The following MAP6 variants were observed in gnomAD, a reference collection of about 807,000 sequenced individuals.
The protein encoded by MAP6 is microtubule associated protein 6.
Under a neutral mutation model 42.4 loss-of-function variants are expected in MAP6, and 26 were observed. The observed-to-expected ratio is 0.61, with a 90% CI of 0.45 to 0.85. MAP6 has a LOEUF of 0.85. Among genes scored for constraint, MAP6 ranks in the 40% least tolerant of loss-of-function variants. MAP6 has a pLI of 0.00. For synonymous variants in MAP6, 418 were observed against 443.8 expected (o/e 0.94, Z 0.73); for missense variants, 966 against 1,099.0 (o/e 0.88, Z 1.71).
chr11:75,667,641 C>T lies in MAP6; in HGVS notation c.729G>A (p.Gly243=), dbSNP rs1330783501. 1 of 1,262,726 alleles carries T rather than the reference C, an allele frequency of 7.9e-7. No homozygotes were observed. The highest frequency in any genetic ancestry group is 1.6e-5 in the African/African-American group (1 of 64,070). 78.2% of individuals were successfully genotyped at this position (1,262,726 alleles called of 1,614,324 possible). A position where few individuals can be genotyped will look rare whatever the true frequency, so the allele number is the denominator to read the frequency against. Residue 243 remains glycine (G), a synonymous_variant, in exon 1 of 4, where the codon GGG becomes GGA. Transcript: ENST00000304771. The surrounding 1 kb of genome is among the most constrained non-coding windows in gnomAD (Gnocchi z 5.6). ...CGGCGCGGCGCACAATCCAGGCAGG[C>T]CCGGCCTTCCTGCGCGTGTCGCGCT... ...ADERDTRRKA[G]PAWIVRRAEG... is the part of the protein sequence containing the mutation.
Position 75,588,197 on chromosome 11 carries a change from G to A in MAP6, c.1317-13C>T, listed in dbSNP as rs1212470375. 6.2e-7 allele frequency: 1 copy of A among 1,605,406 alleles called. No individual in the cohort carries two copies. Among genetic ancestry groups the A allele is most frequent in the South Asian group, 1.1e-5 (1 of 90,212 alleles). On this transcript the variant is annotated splice_polypyrimidine_tract_variant and intron_variant, in intron 3 of 3. Transcript: ENST00000304771. ...TTGAGCCAGGCTCCTGCAAAGGAGA[G>A]AGAGGTGATCACTGTGAGAGTAGAG...
chr11:75,662,354 G>A (rs1943867343), intron 1 of MAP6, among the ~76,000 whole-genome samples: 1 of 152,140 alleles, frequency 6.6e-6, no homozygotes, highest in South Asian at 2.1e-4. Flanking sequence ...GTATATATAT[G>A]AGTATATATG....
chr11:75,625,997 C>G (rs986869802), intron 1 of MAP6, among the ~76,000 whole-genome samples: 29 of 152,294 alleles, frequency 1.9e-4, no homozygotes, highest in Non-Finnish European at 2.6e-4. Flanking sequence ...TTATATTGCT[C>G]TCTTTCTAGA....
At chr11:75,598,852 G>A (rs540033723) in intron 3 of MAP6, 1 of 152,486 alleles carries the variant, frequency 6.6e-6, no homozygotes, top group African/African-American at 2.4e-5. Context: ...CATGTGGCAA[G>A]TTCCATCATG....
intron 1 of MAP6, 65 bp from the exon 2 acceptor site, chr11:75,608,387 C>A (rs763988360): frequency 2.1e-5 from 28 of 1,333,584 alleles, no homozygotes; most frequent in Admixed American, 1.0e-4. Flanking sequence ...GCTCCTGACA[C>A]AGGGCTGCAA....
chr11:75,604,203 A>T, intron 3 of MAP6: 14 of 985,908 alleles, frequency 1.4e-5, no homozygotes, highest in Non-Finnish European at 1.7e-5. Flanking sequence ...TCTGTTAATA[A>T]TTATGGCTCA....
intron 1 of MAP6, among the ~76,000 whole-genome samples, chr11:75,637,898 G>C: frequency 6.7e-6 from 1 of 149,226 alleles, no homozygotes; most frequent in South Asian, 2.2e-4. Context: ...GAGGGAGGGA[G>C]GGAGGGAAGG....
chr11:75,613,918 C>A (rs1942951216), intron 1 of MAP6, among the ~76,000 whole-genome samples: 1 of 152,178 alleles, frequency 6.6e-6, no homozygotes, highest in Admixed American at 6.5e-5. Flanking sequence ...GGCTGCTCCT[C>A]CAGAACCTTT....
At chr11:75,634,583 T>G (rs756684815) in intron 1 of MAP6, among the ~76,000 whole-genome samples, 17 of 152,226 alleles carry the variant, frequency 1.1e-4, no homozygotes, top group Non-Finnish European at 2.4e-4. Context: ...CTAATCTTTA[T>G]GATACAAATT....
intron 1 of MAP6, among the ~76,000 whole-genome samples, chr11:75,612,720 C>T (rs184251609): frequency 4.6e-5 from 7 of 152,240 alleles, no homozygotes; most frequent in East Asian, 3.9e-4. Context: ...AGTTTCTGAG[C>T]GAAGCAGCAC....
At chr11:75,658,309 G>A (rs895322269) in intron 1 of MAP6, among the ~76,000 whole-genome samples, 2 of 151,898 alleles carry the variant, frequency 1.3e-5, no homozygotes, top group Non-Finnish European at 2.9e-5. Flanking sequence ...ATTCTGTACC[G>A]AACATCTCCA....
In MAP6 at chr11:75,668,047, A is replaced by AGGCCCGGGCCC; in HGVS notation, c.312_322dup (p.Leu108ArgfsTer17). 8.1e-7 allele frequency: 1 copy of AGGCCCGGGCCC among 1,227,586 alleles called. No homozygotes were observed. The highest frequency in any genetic ancestry group is 1.0e-6 in the Non-Finnish European group (1 of 986,312). The allele number at this position is 1,227,586 out of a possible 1,614,324, so 76.0% of individuals were successfully genotyped here. On this transcript the variant is annotated frameshift_variant, in exon 1 of 4. Transcript: ENST00000304771. LOFTEE classifies it high-confidence loss of function. ...GGGGCCGGAGGTGGAGCCGGAGCCC[A>AGGCCCGGGCCC]GGCCCGGGCCCGGCCCGCTCCGGCC...
At chr11:75,604,706 G>A (rs1164108640) in intron 3 of MAP6, 4 of 985,230 alleles carry the variant, frequency 4.1e-6, no homozygotes, top group Non-Finnish European at 4.8e-6. Context: ...CACACGACAC[G>A]GAATATACTG....
At chr11:75,604,144 G>C in intron 3 of MAP6, 9 of 985,880 alleles carry the variant, frequency 9.1e-6, no homozygotes, top group Non-Finnish European at 1.1e-5. Flanking sequence ...GAGATAGAAA[G>C]GAAGGTCGCA....
chr11:75,636,401 T>G (rs1247794134), intron 1 of MAP6, among the ~76,000 whole-genome samples: 1 of 152,154 alleles, frequency 6.6e-6, no homozygotes, highest in Admixed American at 6.5e-5. Flanking sequence ...TTACAGCTTT[T>G]CATCTTATAC....
intron 1 of MAP6, among the ~76,000 whole-genome samples, chr11:75,665,519 C>A (rs1290442382): frequency 6.6e-6 from 1 of 152,148 alleles, no homozygotes; most frequent in Non-Finnish European, 1.5e-5. Context: ...CCACCTGCCA[C>A]AGGGTGCTAG....
At chr11:75,625,563 G>A (rs1255774797) in intron 1 of MAP6, among the ~76,000 whole-genome samples, 1 of 152,138 alleles carries the variant, frequency 6.6e-6, no homozygotes, top group Non-Finnish European at 1.5e-5. Flanking sequence ...GCCCAGAGAG[G>A]TGAGCGATTT....
intron 1 of MAP6, among the ~76,000 whole-genome samples, chr11:75,612,288 A>C (rs1942910632): frequency 6.6e-6 from 1 of 152,262 alleles, no homozygotes; most frequent in Admixed American, 6.5e-5. Flanking sequence ...TCTGCCACAC[A>C]ATAGCCAAGG....
intron 3 of MAP6, among the ~76,000 whole-genome samples, chr11:75,592,393 G>C (rs1942496604): frequency 1.3e-5 from 2 of 152,196 alleles, no homozygotes; most frequent in Non-Finnish European, 2.9e-5. Flanking sequence ...AAAATGGAAA[G>C]ATTTAAAAGT....
Sources: gnomAD v4.1 joint callset for allele counts (sites outside exome capture counted in the v4.1 genomes callset) on GRCh38, gnomAD v4.1.1 for gene constraint, Gnocchi (gnomAD v3.1) non-coding constraint, MANE v1.5 for transcripts, NCBI Gene and HGNC (gene_info 2026-07-23, HGNC 2026-07-21) for gene names.